UBASH3B: variants seen among roughly 807,000 people sequenced by gnomAD.
The protein encoded by UBASH3B is ubiquitin associated and SH3 domain containing B.
In UBASH3B, 37 loss-of-function variants were observed where a neutral mutation model predicts 83.4. The observed-to-expected ratio is 0.44, with a 90% CI of 0.34 to 0.58. UBASH3B has a LOEUF of 0.58. Among genes scored for constraint, UBASH3B ranks in the 20% least tolerant of loss-of-function variants. UBASH3B has a pLI of 0.01. For synonymous variants in UBASH3B, 304 were observed against 318.3 expected, an observed-to-expected ratio of 0.96 and a Z score of 0.48; for missense variants, 657 against 827.2, an observed-to-expected ratio of 0.79 and a Z score of 2.52.
intron 1 of UBASH3B, among the ~76,000 whole-genome samples, chr11:122,766,272 C>G (rs1406014872): frequency 6.6e-6 from 1 of 152,158 alleles, no homozygotes; most frequent in South Asian, 2.1e-4. Context: ...AGTGGCCGGG[C>G]GCGGTGGCTC....
chr11:122,737,654 T>A (rs1161498054), intron 1 of UBASH3B, among the ~76,000 whole-genome samples: 1 of 151,946 alleles, frequency 6.6e-6, no homozygotes, highest in Non-Finnish European at 1.5e-5. Context: ...GGAAATTGCA[T>A]GGATGCTCTG....
chr11:122,741,423 C>T (rs1379618315), intron 1 of UBASH3B, among the ~76,000 whole-genome samples: 4 of 152,302 alleles, frequency 2.6e-5, no homozygotes, highest in East Asian at 1.9e-4. Context: ...AATGAACATT[C>T]GGGTTCGTGT....
intron 1 of UBASH3B, among the ~76,000 whole-genome samples, chr11:122,679,828 CT>C (rs1445592156): frequency 6.6e-6 from 1 of 151,864 alleles, no homozygotes; most frequent in Non-Finnish European, 1.5e-5. Flanking sequence ...TTTTTTTCTT[CT>C]TTTCTTTTCT....
At chr11:122,807,549 A>T (rs1861362552) in intron 12 of UBASH3B, among the ~76,000 whole-genome samples, 1 of 151,888 alleles carries the variant, frequency 6.6e-6, no homozygotes, top group Non-Finnish European at 1.5e-5. Flanking sequence ...ATAAATCCAT[A>T]ATTATTATTA....
chr11:122,751,983 T>A (rs75217315), intron 1 of UBASH3B, among the ~76,000 whole-genome samples: 8,436 of 152,270 alleles, frequency 0.055, 231 homozygotes, highest in Middle Eastern at 0.085. Context: ...GCTGGAATTA[T>A]ATAAACCTAA....
rs551556004 is a variant in UBASH3B at position 122,796,725 on chromosome 11, A to G, written c.1235-186A>G. Among the ~76,000 whole-genome samples the G allele has an allele frequency of 2.0e-5, 3 of 152,260 alleles. No individual in the cohort carries two copies. The South Asian group carries it at 6.2e-4, about 32-fold the overall frequency. ...CATGTCACTTTTGTCAGTAGAATGGAAAAGTGGATTCCAAGTCACTTTATG... is the reference window on the plus strand; with the variant it reads ...CATGTCACTTTTGTCAGTAGAATGGGAAAGTGGATTCCAAGTCACTTTATG... On this transcript the variant is annotated intron_variant, in intron 8 of 13. Coordinates refer to ENST00000284273, the MANE Select transcript of UBASH3B (RefSeq NM_032873.5).
intron 1 of UBASH3B, among the ~76,000 whole-genome samples, chr11:122,690,377 T>C (rs1468266261): frequency 6.6e-6 from 1 of 150,604 alleles, no homozygotes; most frequent in Non-Finnish European, 1.5e-5. Flanking sequence ...GCCTTACATA[T>C]AGTTAGCTCT....
At chr11:122,769,977 A>T (rs1860614451) in intron 1 of UBASH3B, among the ~76,000 whole-genome samples, 1 of 152,256 alleles carries the variant, frequency 6.6e-6, no homozygotes, top group Non-Finnish European at 1.5e-5. Flanking sequence ...TTCGTATTAA[A>T]TGTTTCCAAA....
intron 1 of UBASH3B, among the ~76,000 whole-genome samples, chr11:122,664,329 AAG>A (rs1242880758): frequency 6.6e-6 from 1 of 152,166 alleles, no homozygotes; most frequent in East Asian, 1.9e-4. Context: ...ACTCAAGCCT[AAG>A]AGAGAGAGTG....
chr11:122,801,566 T>C (rs987912068), intron 11 of UBASH3B, among the ~76,000 whole-genome samples: 2 of 152,218 alleles, frequency 1.3e-5, no homozygotes, highest in Non-Finnish European at 2.9e-5. Context: ...GTTGGATTTT[T>C]CTGACTTTAT....
intron 1 of UBASH3B, among the ~76,000 whole-genome samples, chr11:122,707,800 G>A (rs1236537787): frequency 6.6e-6 from 1 of 151,812 alleles, no homozygotes; most frequent in East Asian, 1.9e-4. Context: ...CTGTGTTCAA[G>A]CGATTCTTCT....
chr11:122,701,642 C>T lies in UBASH3B; in HGVS notation c.161+45432C>T, dbSNP rs143457636. Among the ~76,000 whole-genome samples the T allele has an allele frequency of 1.1e-3, 164 of 152,176 alleles. 1 individual carries two copies. The highest frequency in any genetic ancestry group is 3.9e-3 in the African/African-American group (160 of 41,526). On this transcript the variant is annotated intron_variant, in intron 1 of 13. Coordinates refer to ENST00000284273, the MANE Select transcript of UBASH3B (RefSeq NM_032873.5). ...CGGTCCTGTAGCATCACTTGTTAGC[C>T]CACTGCTGCTTGAAGGAACTAAGAG...
At chr11:122,692,702 A>G (rs1191909523) in intron 1 of UBASH3B, among the ~76,000 whole-genome samples, 1 of 152,252 alleles carries the variant, frequency 6.6e-6, no homozygotes, top group Non-Finnish European at 1.5e-5. Flanking sequence ...CGATCGGAGA[A>G]TATGGGGAAA....
In UBASH3B at chr11:122,806,279, C is replaced by CT. The variant is rs1861338618; in HGVS notation, c.1596-130dup. 14 of 752,456 alleles carry CT rather than the reference C, an allele frequency of 1.9e-5. No individual in the cohort carries two copies. Among genetic ancestry groups the CT allele is most frequent in the Middle Eastern group, 3.1e-4 (1 of 3,270 alleles). 46.6% of individuals were successfully genotyped at this position (752,456 alleles called of 1,614,324 possible). On this transcript the variant is annotated intron_variant, in intron 11 of 13. Transcript: ENST00000284273. The surrounding 1 kb of genome is among the most constrained non-coding windows in gnomAD (Gnocchi z 4.0). ...GCTGTTCCCTATACCTTTCTCCTTT[C>CT]TAGGGAAATGGATAAACAAACAGAT...
chr11:122,677,775 G>A (rs1863687030), intron 1 of UBASH3B, among the ~76,000 whole-genome samples: 1 of 152,050 alleles, frequency 6.6e-6, no homozygotes, highest in South Asian at 2.1e-4. Context: ...CTCTTATAAG[G>A]GTACTATTGC....
At chr11:122,744,969 T>G (rs1861093560) in intron 1 of UBASH3B, among the ~76,000 whole-genome samples, 1 of 151,462 alleles carries the variant, frequency 6.6e-6, no homozygotes, top group South Asian at 2.1e-4. Flanking sequence ...GGCAGAGGAC[T>G]TTCCTTGCAG....
intron 6 of UBASH3B, 86 bp downstream of exon 6, chr11:122,789,394 G>A (rs747527209): frequency 2.9e-5 from 41 of 1,428,346 alleles, no homozygotes; most frequent in Non-Finnish European, 3.8e-5. Context: ...GCAGTAAATG[G>A]AGTCCATGGG....
At chr11:122,727,873 C>T (rs1418768473) in intron 1 of UBASH3B, among the ~76,000 whole-genome samples, 2 of 152,200 alleles carry the variant, frequency 1.3e-5, no homozygotes, top group Non-Finnish European at 2.9e-5. Flanking sequence ...AGTCATTTCA[C>T]CCTCCCCGCA....
chr11:122,662,427 CTTTTCTT>C (rs1175292638), intron 1 of UBASH3B, among the ~76,000 whole-genome samples: 2 of 136,136 alleles, frequency 1.5e-5, no homozygotes, highest in African/African-American at 5.3e-5. Context: ...TTTTTCTTTT[CTTTTCTT>C]TTTTTTTTTT....
Sources: gnomAD v4.1 joint callset for allele counts (sites outside exome capture counted in the v4.1 genomes callset) on GRCh38, gnomAD v4.1.1 for gene constraint, Gnocchi (gnomAD v3.1) non-coding constraint, MANE v1.5 for transcripts, NCBI Gene and HGNC (gene_info 2026-07-23, HGNC 2026-07-21) for gene names.